LINGO1: variants seen among roughly 807,000 people sequenced by gnomAD.
LINGO1 encodes leucine-rich repeat and immunoglobulin-like domain-containing nogo receptor-interacting protein 1.
LINGO1 carries 11 observed loss-of-function variants against 37.3 expected under a neutral mutation model. That is an observed-to-expected ratio of 0.29 (90% CI 0.19 to 0.49). The LOEUF is 0.49. LINGO1 is among the 20% of genes least tolerant of loss of function. The pLI, the probability that LINGO1 is intolerant of heterozygous loss-of-function variation, is 0.99. For missense variants in LINGO1, 585 were observed against 878.2 expected, an observed-to-expected ratio of 0.67 and a Z score of 4.22; for synonymous variants, 387 against 403.0, an observed-to-expected ratio of 0.96 and a Z score of 0.48.
At chr15:77,777,143 C>A (rs1473374655) in intron 1 of LINGO1, among the ~76,000 whole-genome samples, 2 of 152,196 alleles carry the variant, frequency 1.3e-5, no homozygotes, top group South Asian at 4.1e-4. Context: ...AGGTGCTCAC[C>A]CCAGCCTTTC....
intron 1 of LINGO1, among the ~76,000 whole-genome samples, chr15:77,762,878 C>T (rs1288541502): frequency 1.3e-5 from 2 of 152,160 alleles, no homozygotes; most frequent in Non-Finnish European, 2.9e-5. Context: ...AACCTACCTC[C>T]CTACAGGGCA....
chr15:77,627,946 T>A (rs1307719588), intron 1 of LINGO1, among the ~76,000 whole-genome samples: 1 of 152,168 alleles, frequency 6.6e-6, no homozygotes, highest in East Asian at 1.9e-4. Flanking sequence ...GCTGCCCATC[T>A]CAACCCACAT....
At chr15:77,698,615 C>T (rs145484502), upstream of LINGO1, among the ~76,000 whole-genome samples, 3 of 152,294 alleles carry the variant, frequency 2.0e-5, no homozygotes, top group East Asian at 3.9e-4. Context: ...GGAGGAGAAG[C>T]ACCTCTTCCT....
At chr15:77,805,127 G>A (rs1407466653) in intron 1 of LINGO1, among the ~76,000 whole-genome samples, 1 of 152,212 alleles carries the variant, frequency 6.6e-6, no homozygotes, top group East Asian at 1.9e-4. Context: ...TGTCCCCCTT[G>A]GACAACTCTG....
At chr15:77,622,451 A>G (rs905604005) in intron 1 of LINGO1, among the ~76,000 whole-genome samples, 1 of 152,084 alleles carries the variant, frequency 6.6e-6, no homozygotes, top group Non-Finnish European at 1.5e-5. Flanking sequence ...CGGCCACTCC[A>G]CCAGGTGAGT....
upstream of LINGO1, among the ~76,000 whole-genome samples, chr15:77,636,646 C>A (rs2074402430): frequency 6.6e-6 from 1 of 152,074 alleles, no homozygotes; most frequent in South Asian, 2.1e-4. Context: ...CACAGCCACT[C>A]CCTGGGCCAA....
At chr15:77,667,405 G>A (rs1049904121) in intron 3 of LINGO1, among the ~76,000 whole-genome samples, 3 of 152,214 alleles carry the variant, frequency 2.0e-5, no homozygotes, top group African/African-American at 7.2e-5. Flanking sequence ...AGCCATCCTA[G>A]CAGAATAGGG....
chr15:77,674,739 G>A (rs2044828511), intron 3 of LINGO1, among the ~76,000 whole-genome samples: 1 of 151,698 alleles, frequency 6.6e-6, no homozygotes, highest in Admixed American at 6.6e-5. Context: ...CCATGTCCAA[G>A]TTGCCCAACA....
At chr15:77,706,086 T>G (rs2075849214) in intron 2 of LINGO1, among the ~76,000 whole-genome samples, 4 of 152,194 alleles carry the variant, frequency 2.6e-5, no homozygotes, top group African/African-American at 9.7e-5. Flanking sequence ...ATCCCATTGT[T>G]GTCACAACTA....
At chr15:77,755,011 T>C (rs748694630) in intron 1 of LINGO1, among the ~76,000 whole-genome samples, 60 of 152,230 alleles carry the variant, frequency 3.9e-4, no homozygotes, top group Non-Finnish European at 8.4e-4. Context: ...ACAAAAGGTA[T>C]GGCCTCTCCC....
rs146702275 is a variant in LINGO1, at chr15:77,623,249, G to A, written c.7-7349C>T. ...ACAGGCCAAGGAAGAGGCAGGGGGA[G>A]GGCATTTCCACAAAGGGAACAGTGA... On this transcript the variant is annotated intron_variant, in intron 1 of 1. Transcript: ENST00000355300. 2.9e-4 allele frequency among the ~76,000 whole-genome samples: 44 copies of A among 152,324 alleles called. 1 individual carries two copies. Among genetic ancestry groups the A allele is most frequent in the African/African-American group, 1.0e-3 (43 of 41,570 alleles).
At chr15:77,809,433 G>C (rs1227778566) in intron 1 of LINGO1, among the ~76,000 whole-genome samples, 1 of 152,198 alleles carries the variant, frequency 6.6e-6, no homozygotes, top group Non-Finnish European at 1.5e-5. Context: ...AAATGGAGTC[G>C]ATAATGCCCA....
chr15:77,676,420 T>C (rs1369325399), intron 3 of LINGO1, among the ~76,000 whole-genome samples: 2 of 152,386 alleles, frequency 1.3e-5, no homozygotes, highest in Middle Eastern at 3.4e-3. Flanking sequence ...CAAATTTAAC[T>C]GGACAGCAGT....
chr15:77,782,996 C>T (rs1162456575), intron 1 of LINGO1, among the ~76,000 whole-genome samples: 2 of 152,282 alleles, frequency 1.3e-5, no homozygotes, highest in East Asian at 3.9e-4. Context: ...GCCACACTGT[C>T]TTCCTCCTGG....
intron 1 of LINGO1, among the ~76,000 whole-genome samples, chr15:77,737,891 A>G (rs1567555429): frequency 6.6e-6 from 1 of 151,964 alleles, no homozygotes; most frequent in African/African-American, 2.4e-5. Context: ...TCCTGTCTGC[A>G]CACTCCTCAG....
intron 1 of LINGO1, among the ~76,000 whole-genome samples, chr15:77,783,392 G>A (rs2076740138): frequency 6.6e-6 from 1 of 152,132 alleles, no homozygotes; most frequent in African/African-American, 2.4e-5. Context: ...AGACGGGAGA[G>A]GTGAGAAGGA....
chr15:77,639,431 C>T (rs1567478978), intron 3 of LINGO1, among the ~76,000 whole-genome samples: 2 of 151,838 alleles, frequency 1.3e-5, no homozygotes, highest in Non-Finnish European at 2.9e-5. Flanking sequence ...AGGAATGGCC[C>T]GGCAACTTGG....
intron 1 of LINGO1, among the ~76,000 whole-genome samples, chr15:77,785,576 C>T (rs1222686986): frequency 2.6e-5 from 4 of 152,148 alleles, no homozygotes; most frequent in Non-Finnish European, 4.4e-5. Context: ...TCCTCTACCC[C>T]GACCAGGGCT....
At chr15:77,697,893 G>C (rs540855142), upstream of LINGO1, among the ~76,000 whole-genome samples, 1 of 152,326 alleles carries the variant, frequency 6.6e-6, no homozygotes, top group East Asian at 1.9e-4. Context: ...TCTGGAGAGG[G>C]AGAAAGCCCC....
Sources: gnomAD v4.1 joint callset for allele counts (sites outside exome capture counted in the v4.1 genomes callset) on GRCh38, gnomAD v4.1.1 for gene constraint, MANE v1.5 for transcripts, NCBI Gene and HGNC (gene_info 2026-07-23, HGNC 2026-07-21) for gene names.